MUC7: variants seen among roughly 807,000 people sequenced by gnomAD.
The protein encoded by MUC7 is mucin 7, secreted.
In MUC7, 2 loss-of-function variants were observed where a neutral mutation model predicts 2.5. The ratio of observed to expected loss-of-function variants is 0.81; its 90% CI spans 0.33 to 2.55. The LOEUF (loss-of-function observed/expected upper bound fraction) is 2.55, where lower values mean the gene tolerates loss of function less well. Among genes scored for constraint, MUC7 ranks in the 30% most tolerant of loss-of-function variants. The pLI, the probability that MUC7 is intolerant of heterozygous loss-of-function variation, is 0.11. For synonymous variants in MUC7, 133 were observed against 173.4 expected (o/e 0.77, Z 1.83); for missense variants, 408 against 455.6 (o/e 0.90, Z 0.95).
At chr4:70,453,030 A>T (rs1296568685) in intron 1 of MUC7, among the ~76,000 whole-genome samples, 1 of 152,194 alleles carries the variant, frequency 6.6e-6, no homozygotes, top group African/African-American at 2.4e-5. Context: ...CCTGGCCTGT[A>T]AAGTTTCCAC....
At chr4:70,433,887 G>C (rs4599482) in intron 1 of MUC7, among the ~76,000 whole-genome samples, 1,788 of 152,266 alleles carry the variant, frequency 0.012, 28 homozygotes, top group African/African-American at 0.039. Flanking sequence ...TTATTAATTT[G>C]ACATATGTTC....
Position 70,481,324 on chromosome 4 carries a change from A to T in MUC7, c.580A>T (p.Thr194Ser), listed in dbSNP as rs1374716920. 6 of 1,611,618 alleles carry T rather than the reference A, an allele frequency of 3.7e-6. No individual in the cohort carries two copies. ...APPETTAAPPTPSATTQAPPS... is the reference protein window; with the variant it reads ...APPETTAAPPSPSATTQAPPS... The stretch of plus-strand genomic sequence containing the variant: ...ACCAGAGACCACAGCTGCCCCACCC[A>T]CACCTTCTGCAACTACACAAGCTCC... Residue 194 changes from threonine to serine, a missense_variant, in exon 3 of 3, where the codon ACA becomes TCA. Coordinates refer to ENST00000304887, the MANE Select transcript of MUC7 (RefSeq NM_152291.3).
chr4:70,432,813 G>T (rs539387627), intron 1 of MUC7, among the ~76,000 whole-genome samples: 1 of 152,170 alleles, frequency 6.6e-6, no homozygotes, highest in Admixed American at 6.5e-5. Context: ...CCATGTCTAT[G>T]TCCTGAATGG....
intron 2 of MUC7, among the ~76,000 whole-genome samples, chr4:70,478,789 GTTC>G (rs1735082509): frequency 2.0e-5 from 3 of 152,150 alleles, no homozygotes; most frequent in African/African-American, 7.2e-5. Flanking sequence ...AATATGACCT[GTTC>G]TATTTTATAT....
At chr4:70,436,742 G>A (rs1733847485) in intron 1 of MUC7, among the ~76,000 whole-genome samples, 1 of 152,128 alleles carries the variant, frequency 6.6e-6, no homozygotes, top group Non-Finnish European at 1.5e-5. Flanking sequence ...TTTCCTTGCT[G>A]GCAAGGAGCT....
intron 1 of MUC7, 147 bp from the exon 2 acceptor site, chr4:70,473,860 C>T (rs1275522056): frequency 7.0e-6 from 4 of 569,238 alleles, no homozygotes; most frequent in African/African-American, 3.7e-5. Flanking sequence ...TGCATCACCC[C>T]TATGGAATGA....
intron 1 of MUC7, among the ~76,000 whole-genome samples, chr4:70,435,285 C>G (rs553986830): frequency 6.6e-6 from 1 of 152,206 alleles, no homozygotes; most frequent in South Asian, 2.1e-4. Context: ...TCTCGTTGAT[C>G]TAATATTGAC....
At chr4:70,447,169 T>C (rs933247519) in intron 1 of MUC7, among the ~76,000 whole-genome samples, 5 of 152,328 alleles carry the variant, frequency 3.3e-5, no homozygotes, top group Admixed American at 2.0e-4. Flanking sequence ...CCTGAGTTCA[T>C]ATCCTGATTG....
chr4:70,457,206 G>T (rs1734436218), intron 1 of MUC7, among the ~76,000 whole-genome samples: 1 of 152,174 alleles, frequency 6.6e-6, no homozygotes, highest in Non-Finnish European at 1.5e-5. Flanking sequence ...GCTTTGGGAA[G>T]CCAAGGGGGG....
intron 1 of MUC7, among the ~76,000 whole-genome samples, chr4:70,466,521 T>C (rs1037647384): frequency 1.3e-5 from 2 of 152,074 alleles, no homozygotes; most frequent in Admixed American, 1.3e-4. Context: ...ACCCATCTTA[T>C]GTGCAAAGAC....
chr4:70,452,131 G>A (rs1434256879), intron 1 of MUC7, among the ~76,000 whole-genome samples: 6 of 152,034 alleles, frequency 3.9e-5, no homozygotes, highest in African/African-American at 1.5e-4. Flanking sequence ...TTTGTTTTCA[G>A]TCTATGTGCA....
At chr4:70,446,776 C>T (rs548516375) in intron 1 of MUC7, among the ~76,000 whole-genome samples, 2 of 152,274 alleles carry the variant, frequency 1.3e-5, no homozygotes, top group East Asian at 1.9e-4. Flanking sequence ...CTGCTGATCA[C>T]ATGTACTGAC....
intron 1 of MUC7, among the ~76,000 whole-genome samples, chr4:70,438,197 T>C (rs1733910624): frequency 6.6e-6 from 1 of 152,234 alleles, no homozygotes; most frequent in African/African-American, 2.4e-5. Context: ...GTGCCATTTA[T>C]TACCATTTCT....
intron 1 of MUC7, among the ~76,000 whole-genome samples, chr4:70,459,529 A>G (rs1339709162): frequency 1.3e-5 from 2 of 152,180 alleles, no homozygotes; most frequent in African/African-American, 4.8e-5. Flanking sequence ...ATGTATACAT[A>G]TGTAACTAAC....
intron 1 of MUC7, among the ~76,000 whole-genome samples, chr4:70,464,046 T>C (rs776263538): frequency 6.6e-6 from 1 of 152,172 alleles, no homozygotes; most frequent in Non-Finnish European, 1.5e-5. Context: ...CCAACTGAGA[T>C]ACCTGGCTCA....
At chr4:70,458,706 A>G (rs1266615527) in intron 1 of MUC7, among the ~76,000 whole-genome samples, 1 of 152,166 alleles carries the variant, frequency 6.6e-6, no homozygotes, top group Admixed American at 6.6e-5. Flanking sequence ...ATTGGAACAT[A>G]ACAGTAAACA....
At chr4:70,460,062 G>A (rs532331009) in intron 1 of MUC7, among the ~76,000 whole-genome samples, 45 of 151,970 alleles carry the variant, frequency 3.0e-4, no homozygotes, top group Non-Finnish European at 6.0e-4. Context: ...TTAAAGTTAT[G>A]GGCCCATTTT....
chr4:70,438,494 G>A (rs1172789491), intron 1 of MUC7, among the ~76,000 whole-genome samples: 1 of 151,712 alleles, frequency 6.6e-6, no homozygotes, highest in Non-Finnish European at 1.5e-5. Context: ...GTCTCACTCT[G>A]TCACCAGGTT....
At chr4:70,437,716 T>G (rs1471870323) in intron 1 of MUC7, among the ~76,000 whole-genome samples, 2 of 152,142 alleles carry the variant, frequency 1.3e-5, no homozygotes, top group Non-Finnish European at 2.9e-5. Context: ...CAGCTCACTG[T>G]CTGTAGGCTG....
Sources: gnomAD v4.1 joint callset for allele counts (sites outside exome capture counted in the v4.1 genomes callset) on GRCh38, gnomAD v4.1.1 for gene constraint, MANE v1.5 for transcripts, NCBI Gene and HGNC (gene_info 2026-07-23, HGNC 2026-07-21) for gene names.